CSGALNACT1: variants seen among roughly 807,000 people sequenced by gnomAD.
CSGALNACT1 encodes the protein chondroitin sulfate N-acetylgalactosaminyltransferase 1.
In CSGALNACT1, 52 loss-of-function variants were observed where a neutral mutation model predicts 51.0. The ratio of observed to expected loss-of-function variants is 1.02; its 90% CI spans 0.82 to 1.29. The LOEUF is 1.29. Ranked by LOEUF, CSGALNACT1 falls within the 50% of genes most tolerant of loss-of-function variation. The pLI is 0.00. For synonymous variants in CSGALNACT1, 341 were observed against 254.4 expected, an observed-to-expected ratio of 1.34 and a Z score of -3.24; for missense variants, 935 against 679.2, an observed-to-expected ratio of 1.38 and a Z score of -4.19.
intron 1 of CSGALNACT1, among the ~76,000 whole-genome samples, chr8:19,667,258 CAA>C (rs928798627): frequency 6.5e-4 from 66 of 101,506 alleles, no homozygotes; most frequent in African/African-American, 1.5e-3. Context: ...CCATCTCTAC[CAA>C]AAAAAAAAAA....
intron 4 of CSGALNACT1, among the ~76,000 whole-genome samples, chr8:19,463,466 T>A (rs2065989415): frequency 6.6e-6 from 1 of 152,142 alleles, no homozygotes. Flanking sequence ...CTGGAGCTCT[T>A]TATTGGTGGA....
upstream of CSGALNACT1, among the ~76,000 whole-genome samples, chr8:19,604,601 G>C (rs2051087305): frequency 6.6e-6 from 1 of 151,750 alleles, no homozygotes; most frequent in African/African-American, 2.4e-5. Flanking sequence ...CTTCATGTAT[G>C]ATTCTTTGAA....
At chr8:19,713,243 C>T (rs992632912) in intron 1 of CSGALNACT1, among the ~76,000 whole-genome samples, 2 of 152,232 alleles carry the variant, frequency 1.3e-5, no homozygotes, top group South Asian at 2.1e-4. Context: ...ACAGGAATAG[C>T]GAACCACATA....
intron 6 of CSGALNACT1, among the ~76,000 whole-genome samples, 180 bp downstream of exon 5, chr8:19,439,650 C>T (rs1358635111): frequency 6.6e-6 from 1 of 152,216 alleles, no homozygotes; most frequent in Non-Finnish European, 1.5e-5. Context: ...CAGTGTCAGA[C>T]AGGGTAGTCT....
At chr8:19,649,431 G>A (rs1295130564) in intron 1 of CSGALNACT1, among the ~76,000 whole-genome samples, 2 of 151,912 alleles carry the variant, frequency 1.3e-5, no homozygotes, top group African/African-American at 2.4e-5. Flanking sequence ...TAAATCCAGT[G>A]TTTTTTTACT....
chr8:19,685,225 T>G (rs2060904400), upstream of CSGALNACT1, among the ~76,000 whole-genome samples: 1 of 150,966 alleles, frequency 6.6e-6, no homozygotes. Context: ...ATAATGGGAG[T>G]TTTTTCTTCT....
intron 1 of CSGALNACT1, among the ~76,000 whole-genome samples, chr8:19,727,355 T>G (rs1284293391): frequency 6.6e-6 from 1 of 152,050 alleles, no homozygotes; most frequent in Non-Finnish European, 1.5e-5. Flanking sequence ...TGGTTTGGTT[T>G]GGTTTGGTTT....
At chr8:19,479,731 G>C (rs1367627841) in intron 4 of CSGALNACT1, among the ~76,000 whole-genome samples, 1 of 147,576 alleles carries the variant, frequency 6.8e-6, no homozygotes, top group Admixed American at 6.9e-5. Context: ...TTTAACAAGA[G>C]CCTGAAGGAA....
At chr8:19,718,203 C>T (rs1366730051) in intron 1 of CSGALNACT1, among the ~76,000 whole-genome samples, 1 of 152,160 alleles carries the variant, frequency 6.6e-6, no homozygotes, top group Non-Finnish European at 1.5e-5. Flanking sequence ...AGTGATTCTC[C>T]TTGCCTCAGC....
intron 3 of CSGALNACT1, among the ~76,000 whole-genome samples, chr8:19,568,257 C>T (rs976806081): frequency 1.3e-5 from 2 of 152,190 alleles, no homozygotes; most frequent in African/African-American, 4.8e-5. Flanking sequence ...TAGCCTATTG[C>T]TCCTAGGCTG....
chr8:19,463,601 A>G (rs2066023669), intron 4 of CSGALNACT1, among the ~76,000 whole-genome samples: 1 of 152,206 alleles, frequency 6.6e-6, no homozygotes. Context: ...GTACAAAGCA[A>G]AGCAGCCCCA....
intron 4 of CSGALNACT1, among the ~76,000 whole-genome samples, chr8:19,498,983 G>A (rs2075963194): frequency 6.6e-6 from 1 of 152,046 alleles, no homozygotes; most frequent in Admixed American, 6.5e-5. Flanking sequence ...GGACATGGTG[G>A]TACACACCTG....
chr8:19,524,516 A>C (rs950831910), intron 3 of CSGALNACT1, among the ~76,000 whole-genome samples: 5 of 152,138 alleles, frequency 3.3e-5, no homozygotes, highest in African/African-American at 1.2e-4. Flanking sequence ...GTGAAAATAC[A>C]ATGAGCCTTG....
At chr8:19,600,913 GAT>G (rs1410166080) in intron 2 of CSGALNACT1, among the ~76,000 whole-genome samples, 33 of 150,468 alleles carry the variant, frequency 2.2e-4, no homozygotes, top group African/African-American at 8.0e-4. Context: ...GCTTTCTGAA[GAT>G]ATGTATATGC....
At chr8:19,449,418 G>A (rs2062696001) in intron 5 of CSGALNACT1, among the ~76,000 whole-genome samples, 1 of 152,122 alleles carries the variant, frequency 6.6e-6, no homozygotes, top group South Asian at 2.1e-4. Context: ...TTTTCCTGTT[G>A]GGGAACACAA....
At chr8:19,652,968 G>A (rs1309633514) in intron 1 of CSGALNACT1, among the ~76,000 whole-genome samples, 4 of 152,066 alleles carry the variant, frequency 2.6e-5, no homozygotes, top group Non-Finnish European at 4.4e-5. Flanking sequence ...CAGTAACCAA[G>A]TATCTGCTTT....
In CSGALNACT1 at chr8:19,518,286, G is replaced by A. The variant is rs556073252; in HGVS notation, c.-296-12156C>T. 7.9e-5 allele frequency among the ~76,000 whole-genome samples: 12 copies of A among 152,284 alleles called. No individual in the cohort carries two copies. In the East Asian group the frequency reaches 2.3e-3, roughly 29 times the overall value. The stretch of plus-strand genomic sequence containing the variant: ...AAAGTGGAGCCCCAGACATACATAA[G>A]CAAGCTGGGAGTTTGCATGGATGAT... On this transcript the variant is annotated intron_variant, in intron 3 of 9. Transcript: ENST00000454498.
rs193063488 is a variant in CSGALNACT1 at position 19,706,498 on chromosome 8, G to A, written c.-297+51352C>T. On this transcript the variant is annotated intron_variant, in intron 1 of 1. Coordinates refer to the CSGALNACT1 transcript ENST00000517494. The stretch of plus-strand genomic sequence containing the variant: ...CAGACACTGGAATACACTGAATCAG[G>A]TTTAAAGGAGTGCCTTTTCCTAGCC... 9.8e-5 allele frequency among the ~76,000 whole-genome samples: 15 copies of A among 152,292 alleles called. No individual in the cohort carries two copies. In the East Asian group the frequency reaches 2.7e-3, roughly 27 times the overall value.
chr8:19,562,457 G>C (rs1021862250), intron 3 of CSGALNACT1, among the ~76,000 whole-genome samples: 1 of 150,734 alleles, frequency 6.6e-6, no homozygotes, highest in African/African-American at 2.4e-5. Context: ...ACTGACAAAT[G>C]GGGTTCAATT....
Sources: gnomAD v4.1 joint callset for allele counts (sites outside exome capture counted in the v4.1 genomes callset) on GRCh38, gnomAD v4.1.1 for gene constraint, MANE v1.5 for transcripts, NCBI Gene and HGNC (gene_info 2026-07-23, HGNC 2026-07-21) for gene names.